The following TOLLIP variants were observed in gnomAD, a reference collection of about 807,000 sequenced individuals.
TOLLIP encodes toll interacting protein.
In TOLLIP, 16 loss-of-function variants were observed where a neutral mutation model predicts 33.5. The observed-to-expected ratio is 0.48, with a 90% CI of 0.32 to 0.72. The LOEUF (loss-of-function observed/expected upper bound fraction) is 0.72, where lower values mean the gene tolerates loss of function less well. Ranked by LOEUF, TOLLIP falls within the 30% of genes least tolerant of loss-of-function variation. The pLI is 0.03. For synonymous variants in TOLLIP, 176 were observed against 163.7 expected (o/e 1.07, Z -0.57); for missense variants, 325 against 396.6 (o/e 0.82, Z 1.53).
chr11:1,309,210 C>T (rs1322844945), intron 1 of TOLLIP, among the ~76,000 whole-genome samples: 4 of 152,192 alleles, frequency 2.6e-5, no homozygotes, highest in African/African-American at 9.6e-5. Context: ...CCCCCTCCCC[C>T]GGGGCTGCCT....
Position 1,290,329 on chromosome 11 carries a change from C to T in TOLLIP, c.264G>A (p.Thr88=), listed in dbSNP as rs375844613. 3.8e-5 allele frequency: 62 copies of T among 1,613,498 alleles called. No individual in the cohort carries two copies. Among genetic ancestry groups the T allele is most frequent in the East Asian group, 1.6e-4 (7 of 44,898 alleles). ...TCTTGGCGCCATTGTGTGCCGTGGG[C>T]GTCTCGTACACCGCGTAGCCCAGGC... The part of the protein sequence containing the change: ...RLRLGYAVYE[T]PTAHNGAKNP... The change falls in exon 3 of 6, where the codon ACG becomes ACA. Residue 88 remains threonine, a synonymous_variant. Coordinates refer to ENST00000317204, the MANE Select transcript of TOLLIP (RefSeq NM_019009.4). The surrounding 1 kb of genome is among the most constrained non-coding windows in gnomAD (Gnocchi z 4.9).
intron 4 of TOLLIP, 60 bp from the exon 5 acceptor site, chr11:1,286,152 G>A (rs543347600): frequency 1.0e-5 from 14 of 1,357,968 alleles, no homozygotes; most frequent in Middle Eastern, 1.8e-4. Flanking sequence ...TCAGAACCTC[G>A]GGAATCGCCC....
chr11:1,295,807 G>C lies in TOLLIP; in HGVS notation c.34-13C>G. On this transcript the variant is annotated splice_polypyrimidine_tract_variant and intron_variant, in intron 1 of 5. Coordinates refer to ENST00000317204, the MANE Select transcript of TOLLIP (RefSeq NM_019009.4). Reference sequence around the variant, plus strand: ...CACCGATGTACACCTGCGGGGCCGGGGACCAGAGAGGCCAGTGAGTCAGGG... The same window carrying C: ...CACCGATGTACACCTGCGGGGCCGGCGACCAGAGAGGCCAGTGAGTCAGGG... 6.5e-7 allele frequency: 1 copy of C among 1,540,934 alleles called. No individual in the cohort carries two copies. Among genetic ancestry groups the C allele is most frequent in the Non-Finnish European group, 8.8e-7 (1 of 1,139,344 alleles).
At chr11:1,305,596 C>T (rs5743879) in intron 1 of TOLLIP, among the ~76,000 whole-genome samples, 9,404 of 152,262 alleles carry the variant, frequency 0.062, 332 homozygotes, top group Admixed American at 0.11. Context: ...TAATAAACAC[C>T]GAAGAAGTGA....
chr11:1,287,089 G>T (rs1204353652), intron 4 of TOLLIP, among the ~76,000 whole-genome samples: 1 of 150,798 alleles, frequency 6.6e-6, no homozygotes, highest in Non-Finnish European at 1.5e-5. Flanking sequence ...CACCGCTGCC[G>T]TCTCTGAGTT....
At chr11:1,305,515 C>T (rs1208257217) in intron 1 of TOLLIP, among the ~76,000 whole-genome samples, 1 of 152,190 alleles carries the variant, frequency 6.6e-6, no homozygotes, top group African/African-American at 2.4e-5. Context: ...CTTTCTTTCA[C>T]GAATTGTGTT....
intron 5 of TOLLIP, among the ~76,000 whole-genome samples, chr11:1,279,064 C>T (rs775506012): frequency 4.1e-4 from 63 of 152,360 alleles, no homozygotes; most frequent in Non-Finnish European, 7.8e-4. Flanking sequence ...CCAGCCTTTA[C>T]CAGTCTGATG....
chr11:1,285,112 CG>C (rs1863644671), intron 5 of TOLLIP, among the ~76,000 whole-genome samples: 1 of 152,184 alleles, frequency 6.6e-6, no homozygotes, highest in Non-Finnish European at 1.5e-5. Flanking sequence ...CACAAGCAGC[CG>C]GGGCCTCATG....
chr11:1,278,921 C>T lies in TOLLIP; in HGVS notation c.611-1668G>A, dbSNP rs1863397760. Among the ~76,000 whole-genome samples the T allele has an allele frequency of 2.0e-5, 3 of 152,176 alleles. No homozygotes were observed. The highest frequency in any genetic ancestry group is 4.4e-5 in the Non-Finnish European group (3 of 68,032). On this transcript the variant is annotated intron_variant, in intron 5 of 5. Coordinates refer to ENST00000317204, the MANE Select transcript of TOLLIP (RefSeq NM_019009.4). This position sits in a 1 kb window ranked among gnomAD's most constrained non-coding sequence, Gnocchi z 4.7. ...CAGGCGGGCAGGAACTTGGCCATCA[C>T]CTGTCCCTGCCCATACAGCTCCCCA...
intron 4 of TOLLIP, 47 bp from the exon 5 acceptor site, chr11:1,286,139 C>T (rs1322213436): frequency 6.9e-7 from 1 of 1,448,728 alleles, no homozygotes; most frequent in Admixed American, 2.0e-5. Context: ...GAACATCCAC[C>T]CATCAGAACC....
At chr11:1,299,541 G>A (rs1864205687) in intron 1 of TOLLIP, among the ~76,000 whole-genome samples, 1 of 152,152 alleles carries the variant, frequency 6.6e-6, no homozygotes, top group African/African-American at 2.4e-5. Context: ...TTTGCCATAT[G>A]ATGATGGAGG....
Position 1,276,585 on chromosome 11 carries a change from G to C in TOLLIP, c.*454C>G. 9.1e-7 allele frequency: 1 copy of C among 1,092,962 alleles called. No individual in the cohort carries two copies. Among genetic ancestry groups the C allele is most frequent in the Non-Finnish European group, 1.2e-6 (1 of 821,402 alleles). The allele number at this position is 1,092,962 out of a possible 1,614,324, so 67.7% of individuals were successfully genotyped here. ...CGTTAGGGCAAGGGCGTGAGTTTTC[G>C]TCTGGGAAGTTCTAAAAAAAACCCA... On this transcript the variant is annotated 3_prime_UTR_variant, in exon 6 of 6. Coordinates refer to ENST00000317204, the MANE Select transcript of TOLLIP (RefSeq NM_019009.4).
At chr11:1,295,358 G>T in intron 2 of TOLLIP, 1 of 306,532 alleles carries the variant, frequency 3.3e-6, no homozygotes, top group Non-Finnish European at 6.0e-6. Flanking sequence ...GGGTCCGGGA[G>T]GTGTCCTTGG....
rs544826786 is a variant in TOLLIP, at chr11:1,284,850, G to T, written c.610+1152C>A. 2.0e-5 allele frequency among the ~76,000 whole-genome samples: 3 copies of T among 152,224 alleles called. No individual in the cohort carries two copies. The South Asian group carries it at 6.2e-4, about 32-fold the overall frequency. ...GTCCGAGAATGTCCTGAACACCAGTGGACAGCCCAGAGTCTCCCAGTGCCG... is the reference window on the plus strand; with the variant it reads ...GTCCGAGAATGTCCTGAACACCAGTTGACAGCCCAGAGTCTCCCAGTGCCG... On this transcript the variant is annotated intron_variant, in intron 5 of 5. Transcript: ENST00000317204.
At chr11:1,286,228 T>C in intron 4 of TOLLIP, 136 bp from the exon 5 acceptor site, 1 of 658,088 alleles carries the variant, frequency 1.5e-6, no homozygotes, top group Non-Finnish European at 2.7e-6. Context: ...AGAATCACCC[T>C]CGCTACACGA....
At chr11:1,280,346 C>CA (rs1863452337) in intron 5 of TOLLIP, among the ~76,000 whole-genome samples, 1 of 152,196 alleles carries the variant, frequency 6.6e-6, no homozygotes, top group Admixed American at 6.5e-5. Context: ...TATGGGCCTC[C>CA]CCCTTGTCCA....
rs747815447 is a variant in TOLLIP, at chr11:1,276,020, C to G, written c.*1019G>C. On this transcript the variant is annotated 3_prime_UTR_variant, in exon 6 of 6. Transcript: ENST00000317204. ...CTGTCCTGTAGGCCAAGATGCTACACGCAGCGCCCAGGCAGTCAGAGGTAA... is the reference window on the plus strand; with the variant it reads ...CTGTCCTGTAGGCCAAGATGCTACAGGCAGCGCCCAGGCAGTCAGAGGTAA... 2 of 152,234 alleles carry G rather than the reference C, an allele frequency of 1.3e-5. No homozygotes were observed. The highest frequency in any genetic ancestry group is 4.8e-5 in the African/African-American group (2 of 41,450). The allele number at this position is 152,234 out of a possible 1,614,324, so 9.4% of individuals were successfully genotyped here.
chr11:1,305,524 T>C (rs1214768777), intron 1 of TOLLIP, among the ~76,000 whole-genome samples: 1 of 152,194 alleles, frequency 6.6e-6, no homozygotes, highest in Non-Finnish European at 1.5e-5. Flanking sequence ...ACGAATTGTG[T>C]TTCAGGACAG....
At position 1,295,530 on chromosome 11, in the gene TOLLIP, A is replaced by C. The variant is rs1864085722; in HGVS notation, c.183+115T>G. On this transcript the variant is annotated intron_variant, in intron 2 of 5. Transcript: ENST00000317204. ...TCACACAGGTTTCAGGAAAAGCGGG[A>C]ATCAGAAGTTCTGTTTGCCCGCTTA... 3 of 1,272,776 alleles carry C rather than the reference A, an allele frequency of 2.4e-6. No individual in the cohort carries two copies. The South Asian group carries it at 4.7e-5, about 20-fold the overall frequency. The allele number at this position is 1,272,776 out of a possible 1,614,324, so 78.8% of individuals were successfully genotyped here. A position where few individuals can be genotyped will look rare whatever the true frequency, so the allele number is the denominator to read the frequency against.
Sources: allele counts gnomAD v4.1 joint callset (sites outside exome capture counted in the v4.1 genomes callset), GRCh38; gene constraint gnomAD v4.1.1; non-coding constraint Gnocchi (gnomAD v3.1); transcripts MANE v1.5; gene names NCBI Gene and HGNC (gene_info 2026-07-23, HGNC 2026-07-21).